Variants in GUCY2C observed in about 807,000 individuals in gnomAD.
The protein encoded by GUCY2C is guanylyl cyclase C.
A neutral mutation model predicts 131.1 loss-of-function variants in GUCY2C; 118 were observed. The ratio of observed to expected loss-of-function variants is 0.90; its 90% CI spans 0.78 to 1.05. GUCY2C has a LOEUF of 1.05. Ranked by LOEUF, GUCY2C falls within the 50% of genes least tolerant of loss-of-function variation. GUCY2C has a pLI of 0.00. For synonymous variants in GUCY2C, 452 were observed against 457.8 expected, an observed-to-expected ratio of 0.99 and a Z score of 0.16; for missense variants, 1,161 against 1,304.4, an observed-to-expected ratio of 0.89 and a Z score of 1.69.
chr12:14,633,951 C>G (rs1947207089), intron 19 of GUCY2C, among the ~76,000 whole-genome samples: 1 of 152,058 alleles, frequency 6.6e-6, no homozygotes. Context: ...TTTGGTGTCC[C>G]AAAAGGCGAA....
rs1947990205 is a variant in GUCY2C at position 14,666,744 on chromosome 12, A to G, written c.1282+2978T>C. 2.7e-5 allele frequency among the ~76,000 whole-genome samples: 4 copies of G among 150,924 alleles called. No homozygotes were observed. The South Asian group carries it at 8.3e-4, about 31-fold the overall frequency. On this transcript the variant is annotated intron_variant, in intron 10 of 26. Transcript: ENST00000261170. ...AGCCAGACAATGTCTCCAAAAAAAA[A>G]AAAAAAGAGTAAGAAAAGAAAAGAA...
intron 19 of GUCY2C, among the ~76,000 whole-genome samples, chr12:14,632,563 C>A (rs74070228): frequency 0.011 from 1,692 of 152,276 alleles, 24 homozygotes; most frequent in African/African-American, 0.039. Context: ...AAGTACATTT[C>A]TCTATTCTTT....
chr12:14,640,462 C>CAAAAA (rs3083859), intron 18 of GUCY2C, among the ~76,000 whole-genome samples: 4 of 114,574 alleles, frequency 3.5e-5, no homozygotes, highest in African/African-American at 1.3e-4. Flanking sequence ...GACACTGTCT[C>CAAAAA]AAAAAAAAAA....
intron 19 of GUCY2C, among the ~76,000 whole-genome samples, chr12:14,639,020 G>A (rs1312256368): frequency 1.3e-5 from 2 of 152,038 alleles, no homozygotes; most frequent in African/African-American, 4.8e-5. Flanking sequence ...GGCCAGGCGC[G>A]GTGGCTTACA....
intron 2 of GUCY2C, among the ~76,000 whole-genome samples, chr12:14,687,063 T>C (rs1467915359): frequency 6.6e-6 from 1 of 152,174 alleles, no homozygotes; most frequent in Non-Finnish European, 1.5e-5. Flanking sequence ...AAGCTCTGGT[T>C]GGGATTGGGG....
chr12:14,683,037 C>T lies in GUCY2C; in HGVS notation c.611+5G>A, dbSNP rs893115296. 5 of 1,594,216 alleles carry T rather than the reference C, an allele frequency of 3.1e-6. No individual in the cohort carries two copies. Among genetic ancestry groups the T allele is most frequent in the Non-Finnish European group, 4.3e-6 (5 of 1,162,140 alleles). On this transcript the variant is annotated splice_donor_5th_base_variant and intron_variant, in intron 4 of 26. Coordinates refer to ENST00000261170, the MANE Select transcript of GUCY2C (RefSeq NM_004963.4). ...TGCTAGTGAAATATTAATGATCCTG[C>T]TTACCAGAAACAGTCCTCAGTTTCT... is the stretch of plus-strand genomic sequence containing the variant.
chr12:14,674,308 C>G (rs1023240121), intron 8 of GUCY2C: 2 of 361,056 alleles, frequency 5.5e-6, no homozygotes, highest in East Asian at 1.2e-4. Context: ...AATGTTTATC[C>G]TCTTGTTAGT....
rs567647799 is a variant in GUCY2C at position 14,638,917 on chromosome 12, C to T, written c.2157+945G>A. Among the ~76,000 whole-genome samples the T allele has an allele frequency of 2.0e-5, 3 of 152,290 alleles. 1 individual carries two copies. In the South Asian group the frequency reaches 6.2e-4, roughly 32 times the overall value. On this transcript the variant is annotated intron_variant, in intron 19 of 26. Transcript: ENST00000261170. ...CTTAAGGTGATGGATCCCCTAAATA[C>T]ATGACTTGATCATTACACATTCTGC... is the stretch of plus-strand genomic sequence containing the variant.
At chr12:14,625,666 GA>G in intron 21 of GUCY2C, 90 bp downstream of exon 21, 1 of 1,316,666 alleles carries the variant, frequency 7.6e-7, no homozygotes, top group Non-Finnish European at 1.1e-6. Flanking sequence ...ATCTACTGAA[GA>G]ATATATAAAA....
At chr12:14,669,925 G>A (rs1022357349) in intron 9 of GUCY2C, 92 bp from the exon 10 acceptor site, 6 of 542,692 alleles carry the variant, frequency 1.1e-5, no homozygotes, top group Non-Finnish European at 2.0e-5. Context: ...AATGACGCTT[G>A]ATTTCCATAA....
chr12:14,634,665 A>G (rs1023447688), intron 19 of GUCY2C, among the ~76,000 whole-genome samples: 7 of 152,360 alleles, frequency 4.6e-5, no homozygotes, highest in African/African-American at 1.7e-4. Flanking sequence ...AAAGATATAG[A>G]CTGGTTCAAT....
Position 14,656,604 on chromosome 12 carries a change from CT to C in GUCY2C, c.1377del (p.Asp460IlefsTer54), listed in dbSNP as rs752178160. ...VALLMLRKYRKDYELRQKKWS... is the reference protein window; with the variant it reads ...VALLMLRKYRXDYELRQKKWS... ...CATTTTTTCTGACGAAGTTCATAAT[CT>C]TTTCTATATTTTCTGTGAAAGGAAT... On this transcript the variant is annotated frameshift_variant, in exon 12 of 27. Coordinates refer to ENST00000261170, the MANE Select transcript of GUCY2C (RefSeq NM_004963.4). LOFTEE classifies it high-confidence loss of function. 1.3e-6 allele frequency: 2 copies of C among 1,547,582 alleles called. No individual in the cohort carries two copies. Among genetic ancestry groups the C allele is most frequent in the South Asian group, 2.2e-5 (2 of 89,594 alleles).
intron 5 of GUCY2C, among the ~76,000 whole-genome samples, chr12:14,680,382 C>T (rs1948326050): frequency 6.6e-6 from 1 of 152,054 alleles, no homozygotes; most frequent in Non-Finnish European, 1.5e-5. Context: ...AGATGCTGTG[C>T]CATTATGCTG....
At chr12:14,636,357 A>G (rs1336962026) in intron 19 of GUCY2C, among the ~76,000 whole-genome samples, 2 of 152,248 alleles carry the variant, frequency 1.3e-5, no homozygotes, top group Non-Finnish European at 2.9e-5. Flanking sequence ...AACAAAAGCC[A>G]TATGATCATC....
chr12:14,682,638 C>T (rs564881477), intron 4 of GUCY2C, among the ~76,000 whole-genome samples: 1 of 152,068 alleles, frequency 6.6e-6, no homozygotes, highest in African/African-American at 2.4e-5. Flanking sequence ...TTTTTTCTAA[C>T]TAATTGTAGG....
chr12:14,645,743 CT>C (rs376520937), intron 15 of GUCY2C, among the ~76,000 whole-genome samples: 63 of 144,390 alleles, frequency 4.4e-4, no homozygotes, highest in Middle Eastern at 3.6e-3. Flanking sequence ...CTTAATTGCT[CT>C]TTTTTTTTTG....
chr12:14,636,681 A>T (rs145886697), intron 19 of GUCY2C, among the ~76,000 whole-genome samples: 1,950 of 152,326 alleles, frequency 0.013, 23 homozygotes, highest in Non-Finnish European at 0.018. Context: ...AAATTGGAAA[A>T]CAGGGAGTCA....
At chr12:14,686,008 G>T (rs1948460990) in intron 3 of GUCY2C, among the ~76,000 whole-genome samples, 153 bp downstream of exon 3, 1 of 152,186 alleles carries the variant, frequency 6.6e-6, no homozygotes, top group African/African-American at 2.4e-5. Flanking sequence ...AGCAAGGGAA[G>T]TTACCTGGAT....
intron 11 of GUCY2C, among the ~76,000 whole-genome samples, chr12:14,657,754 C>T (rs549025173): frequency 6.8e-4 from 104 of 152,126 alleles, no homozygotes; most frequent in African/African-American, 2.4e-3. Context: ...TCTCAAAACT[C>T]TCCCCACCCC....
Sources: allele counts gnomAD v4.1 joint callset (sites outside exome capture counted in the v4.1 genomes callset), GRCh38; gene constraint gnomAD v4.1.1; transcripts MANE v1.5; gene names NCBI Gene and HGNC (gene_info 2026-07-23, HGNC 2026-07-21).